PLEC: variants seen among roughly 807,000 people sequenced by gnomAD.
PLEC encodes plectin, also known as hemidesmosomal protein 1.
A neutral mutation model predicts 392.8 loss-of-function variants in PLEC; 216 were observed. That is an observed-to-expected ratio of 0.55 (90% CI 0.49 to 0.62). The LOEUF (loss-of-function observed/expected upper bound fraction) is 0.62. Ranked by LOEUF, PLEC falls within the 20% of genes least tolerant of loss-of-function variation. The probability of loss-of-function intolerance (pLI) is 0.00; values close to 1 mark genes in which losing one functional copy is unlikely to be tolerated. For missense variants in PLEC, 6,863 were observed against 6,563.4 expected, an observed-to-expected ratio of 1.05 and a Z score of -1.58; for synonymous variants, 3,621 against 2,980.6, an observed-to-expected ratio of 1.21 and a Z score of -7.00.
Position 143,919,747 on chromosome 8 carries a change from G to T in PLEC, c.10074C>A (p.Ala3358=). 2 of 1,609,024 alleles carry T rather than the reference G, an allele frequency of 1.2e-6. No homozygotes were observed. The highest frequency in any genetic ancestry group is 1.7e-6 in the Non-Finnish European group (2 of 1,177,464). The part of the protein sequence containing the change: ...RTLLQGSGCL[A]GIYLEDTKEK... Reference sequence around the variant, plus strand: ...CCTTGGTGTCCTCCAGGTAGATGCCGGCGAGGCAGCCACTGCCCTGCAGCA... The same window carrying T: ...CCTTGGTGTCCTCCAGGTAGATGCCTGCGAGGCAGCCACTGCCCTGCAGCA... Residue 3358 remains alanine, a synonymous_variant, in exon 32 of 32, where the codon GCC becomes GCA. Coordinates refer to ENST00000345136, the MANE Select transcript of PLEC (RefSeq NM_201384.3).
At position 143,916,636 on chromosome 8, in the gene PLEC, G is replaced by A. The variant is rs782028066; in HGVS notation, c.13185C>T (p.Gly4395=). The change falls in exon 32 of 32, where the codon GGC becomes GGT. Residue 4395 remains glycine, a synonymous_variant. Coordinates refer to ENST00000345136, the MANE Select transcript of PLEC (RefSeq NM_201384.3). The stretch of plus-strand genomic sequence containing the variant: ...CCGGCGTGTCGGGCTCGATCAAGCC[G>A]CCGGTCAGGTACTGCACCTCCAGGA... ...QRFLEVQYLT[G]GLIEPDTPGR... is the part of the protein sequence containing the mutation. 27 of 1,610,306 alleles carry A rather than the reference G, an allele frequency of 1.7e-5. No homozygotes were observed. Among genetic ancestry groups the A allele is most frequent in the African/African-American group, 4.0e-5 (3 of 74,986 alleles).
chr8:143,929,599 C>T (rs370562892), intron 23 of PLEC, 28 bp from the exon 24 acceptor site: 14 of 1,611,312 alleles, frequency 8.7e-6, no homozygotes, highest in East Asian at 4.5e-5. Flanking sequence ...GTCACTCCAC[C>T]GCCCACCTCG....
chr8:143,946,161 G>C (rs75701883), intron 1 of PLEC, among the ~76,000 whole-genome samples: 1 of 152,160 alleles, frequency 6.6e-6, no homozygotes, highest in Non-Finnish European at 1.5e-5. Flanking sequence ...ACGGAGGTCC[G>C]GACAGGCCTG....
At position 143,923,856 on chromosome 8, in the gene PLEC, G is replaced by A. The variant is rs782279181; in HGVS notation, c.6073C>T (p.Arg2025Trp). The A allele has an allele frequency of 5.7e-6, 9 of 1,590,606 alleles. No individual in the cohort carries two copies. The highest frequency in any genetic ancestry group is 2.3e-5 in the East Asian group (1 of 44,434). The part of the protein sequence containing the change: ...KAKVEEARRL[R>W]ERAEQESARQ... ...GCCGACTCCTGCTCCGCTCGCTCCC[G>A]CAGGCGCCGCGCCTCCTCCACCTTG... Residue 2025 changes from arginine to tryptophan, a missense_variant, in exon 31 of 32, where the codon CGG becomes TGG. Arg to Trp is a moderately radical substitution (Grantham distance 101, BLOSUM62 -3). Transcript: ENST00000345136.
At position 143,915,933 on chromosome 8, in the gene PLEC, T is replaced by C. The variant is rs1482961088; in HGVS notation, c.*244A>G. 5.6e-6 allele frequency: 2 copies of C among 355,098 alleles called. No individual in the cohort carries two copies. The highest frequency in any genetic ancestry group is 9.2e-5 in the Admixed American group (2 of 21,700). The allele number at this position is 355,098 out of a possible 1,614,324, so 22.0% of individuals were successfully genotyped here. ...CCTCCAAGGCACCTGGCTGTGTGAG[T>C]GGCAGGTAGAAGGGAGTGAGGAGAC... On this transcript the variant is annotated 3_prime_UTR_variant, in exon 32 of 32. Coordinates refer to ENST00000345136, the MANE Select transcript of PLEC (RefSeq NM_201384.3).
intron 6 of PLEC, 113 bp downstream of exon 6, chr8:143,935,735 C>T (rs931555489): frequency 3.4e-5 from 41 of 1,208,908 alleles, no homozygotes; most frequent in Middle Eastern, 4.8e-4. Context: ...CCAGCTGGCA[C>T]TCATCCCTGT....
intron 1 of PLEC, among the ~76,000 whole-genome samples, chr8:143,968,301 C>T (rs2132937339): frequency 6.6e-6 from 1 of 151,898 alleles, no homozygotes; most frequent in East Asian, 1.9e-4. Flanking sequence ...CTTCAAAGGA[C>T]ACCACCGGCC....
chr8:143,943,901 C>A, upstream of PLEC: 1 of 1,610,172 alleles, frequency 6.2e-7, no homozygotes, highest in South Asian at 1.1e-5. Flanking sequence ...AGCCGCCACG[C>A]GGAGCCGCCA....
chr8:143,952,178 CCAAA>C (rs1290020482), upstream of PLEC, among the ~76,000 whole-genome samples: 3 of 101,344 alleles, frequency 3.0e-5, no homozygotes, highest in Admixed American at 1.1e-4. Context: ...GGTGCAGGCT[CCAAA>C]CACACACACA....
Position 143,922,918 on chromosome 8 carries a change from C to G in PLEC, c.7011G>C (p.Glu2337Asp). ...AEAELLQQQK[E>D]LAQEQARRLQ... Reference sequence around the variant, plus strand: ...GCCGCCGCGCCTGCTCCTGCGCAAGCTCCTTCTGCTGCTGCAGCAGTTCCG... The same window carrying G: ...GCCGCCGCGCCTGCTCCTGCGCAAGGTCCTTCTGCTGCTGCAGCAGTTCCG... The change falls in exon 31 of 32, where the codon GAG becomes GAC. Residue 2337 changes from glutamate (E) to aspartate (D), a missense_variant. Coordinates refer to ENST00000345136, the MANE Select transcript of PLEC (RefSeq NM_201384.3). The G allele has an allele frequency of 6.2e-7, 1 of 1,600,572 alleles. No homozygotes were observed. The highest frequency in any genetic ancestry group is 1.7e-5 in the Admixed American group (1 of 58,252).
intron 1 of PLEC, among the ~76,000 whole-genome samples, chr8:143,972,362 G>A (rs1833472581): frequency 6.6e-6 from 1 of 152,222 alleles, no homozygotes; most frequent in African/African-American, 2.4e-5. Flanking sequence ...AAAGCGGCTG[G>A]GCACAGCACT....
rs1330586798 is a variant in PLEC at position 143,944,773 on chromosome 8, G to A, written c.523+5411C>T. 3.4e-6 allele frequency: 4 copies of A among 1,182,624 alleles called. No homozygotes were observed. The African/African-American group carries it at 6.3e-5, about 19-fold the overall frequency. 73.3% of individuals were successfully genotyped at this position (1,182,624 alleles called of 1,614,324 possible). ...CACTGGCGGCAGCGTCGGGTGGGAG[G>A]AGGGCACGGCCGTGCTGCTGTCAGC... On this transcript the variant is annotated intron_variant, in intron 1 of 31. Transcript: ENST00000322810.
In PLEC at chr8:143,917,056, G is replaced by A. The variant is rs2130827624; in HGVS notation, c.12765C>T (p.Ser4255=). The change falls in exon 32 of 32, where the codon TCC becomes TCT. Residue 4255 remains serine (S), a synonymous_variant. Coordinates refer to ENST00000345136, the MANE Select transcript of PLEC (RefSeq NM_201384.3). ...TGGAGACGGCGGGGCTGATGGGGTA[G>A]GAGGAGGAGGATCCCACCGAGGAGG... ...SRSSSVGSSS[S]YPISPAVSRT... is the part of the protein sequence containing the mutation. The A allele has an allele frequency of 6.2e-7, 1 of 1,607,498 alleles. No homozygotes were observed. The highest frequency in any genetic ancestry group is 8.5e-7 in the Non-Finnish European group (1 of 1,175,476).
chr8:143,939,115 C>T lies in PLEC; in HGVS notation c.112+235G>A, dbSNP rs528485008. Among the ~76,000 whole-genome samples, 6 of 152,346 alleles carry T rather than the reference C, an allele frequency of 3.9e-5. No individual in the cohort carries two copies. The South Asian group carries it at 1.2e-3, about 32-fold the overall frequency. ...TGCTGACAGGGCAGCGAACCTTCCC[C>T]AGAGCGCAGAGTTCCTCGCCCTTCC... On this transcript the variant is annotated intron_variant, in intron 1 of 31. Transcript: ENST00000345136.
Position 143,933,185 on chromosome 8 carries a change from G to A in PLEC, c.1418+12C>T. The stretch of plus-strand genomic sequence containing the variant: ...TGTACCTGGGCTTCAGGGAGGGCAG[G>A]GCGGGGCCCACCTGCGGTACATCTG... On this transcript the variant is annotated intron_variant, in intron 13 of 31. Coordinates refer to ENST00000345136, the MANE Select transcript of PLEC (RefSeq NM_201384.3). 2 of 1,611,812 alleles carry A rather than the reference G, an allele frequency of 1.2e-6. No homozygotes were observed. Among genetic ancestry groups the A allele is most frequent in the South Asian group, 1.1e-5 (1 of 91,010 alleles).
chr8:143,930,229 T>C lies in PLEC; in HGVS notation c.2527A>G (p.Ser843Gly). Reference protein sequence around the residue: ...PAQPSHWKVLSSSGSEAAVPS... With the variant: ...PAQPSHWKVLGSSGSEAAVPS... Reference sequence around the variant, plus strand: ...ACGGCGGCCTCGCTGCCGGAGCTGCTGAGCACCTTCCAGTGGGACGGCTGT... The same window carrying C: ...ACGGCGGCCTCGCTGCCGGAGCTGCCGAGCACCTTCCAGTGGGACGGCTGT... The change falls in exon 21 of 32, where the codon AGC becomes GGC. Residue 843 changes from serine to glycine, a missense_variant. Transcript: ENST00000345136. 6.3e-7 allele frequency: 1 copy of C among 1,593,728 alleles called. No individual in the cohort carries two copies. Among genetic ancestry groups the C allele is most frequent in the Non-Finnish European group, 8.5e-7 (1 of 1,175,472 alleles).
intron 1 of PLEC, among the ~76,000 whole-genome samples, chr8:143,960,064 C>T (rs1832799832): frequency 6.6e-6 from 1 of 152,072 alleles, no homozygotes; most frequent in African/African-American, 2.4e-5. Context: ...AGGCAGATCA[C>T]CTGAAGTTGG....
rs782725172 is a variant in PLEC at position 143,932,616 on chromosome 8, TG to T, written c.1815+18del. On this transcript the variant is annotated intron_variant, in intron 15 of 31. Coordinates refer to ENST00000345136, the MANE Select transcript of PLEC (RefSeq NM_201384.3). Reference sequence around the variant, plus strand: ...CCGCGGGCTACCCACCTCCCCCGGCTGGCCCTGCCCCCACTCACCAGCAGCT... The same window carrying T: ...CCGCGGGCTACCCACCTCCCCCGGCTGCCCTGCCCCCACTCACCAGCAGCT... 801 of 1,610,830 alleles carry T rather than the reference TG, an allele frequency of 5.0e-4. No homozygotes were observed. Among genetic ancestry groups the T allele is most frequent in the Non-Finnish European group, 6.4e-4 (753 of 1,179,162 alleles).
chr8:143,971,060 C>T (rs782113344), intron 1 of PLEC, among the ~76,000 whole-genome samples: 1 of 152,194 alleles, frequency 6.6e-6, no homozygotes, highest in Non-Finnish European at 1.5e-5. Context: ...CCAAGCGGAG[C>T]AGTGGCCGCC....
Sources: allele counts gnomAD v4.1 joint callset (sites outside exome capture counted in the v4.1 genomes callset), GRCh38; gene constraint gnomAD v4.1.1; transcripts MANE v1.5; gene names NCBI Gene and HGNC (gene_info 2026-07-23, HGNC 2026-07-21).